STOML3: variants seen among roughly 807,000 people sequenced by gnomAD.
The protein encoded by STOML3 is stomatin-like protein 3.
A neutral mutation model predicts 29.5 loss-of-function variants in STOML3; 31 were observed. The observed-to-expected ratio is 1.05, with a 90% CI of 0.79 to 1.42. STOML3 has a LOEUF of 1.42. STOML3 is among the 40% of genes most tolerant of loss of function. The pLI, the probability that STOML3 is intolerant of heterozygous loss-of-function variation, is 0.00. For missense variants in STOML3, 380 were observed against 363.0 expected (o/e 1.05, Z -0.38); for synonymous variants, 122 against 139.8 (o/e 0.87, Z 0.90).
chr13:38,980,104 A>T (rs1159274913), intron 1 of STOML3: 1 of 1,551,710 alleles, frequency 6.4e-7, no homozygotes, highest in Admixed American at 2.0e-5. Flanking sequence ...ACACGTGCAC[A>T]TGAGGCTCAG....
At chr13:38,978,495 TCTC>T (rs1475807348) in intron 1 of STOML3, among the ~76,000 whole-genome samples, 1 of 151,992 alleles carries the variant, frequency 6.6e-6, no homozygotes, top group Non-Finnish European at 1.5e-5. Flanking sequence ...CTTATTCCCT[TCTC>T]CTTGACAACC....
At chr13:38,986,474 C>G (rs1394515935) in intron 1 of STOML3, among the ~76,000 whole-genome samples, 1 of 152,046 alleles carries the variant, frequency 6.6e-6, no homozygotes, top group Non-Finnish European at 1.5e-5. Context: ...GAGAACAATC[C>G]CCTTTCCTGA....
intron 1 of STOML3, among the ~76,000 whole-genome samples, chr13:38,988,201 T>A (rs1343871761): frequency 1.5e-5 from 1 of 68,340 alleles, no homozygotes; most frequent in Non-Finnish European, 2.2e-5. Flanking sequence ...ATATTATATT[T>A]CATATAAAAT....
Position 38,977,750 on chromosome 13 carries a change from A to ATTTTTTTTTTTTTTTTTTTTTTTTTTT in STOML3, c.53-980_53-954dup, listed in dbSNP as rs397851686. On this transcript the variant is annotated intron_variant, in intron 1 of 6. Transcript: ENST00000379631. ...ATTATATAATTTCTGAAGTCTCCGG[A>ATTTTTTTTTTTTTTTTTTTTTTTTTTT]TTTTTTTTTTTTTTTTTTTTTTTTT... Among the ~76,000 whole-genome samples the ATTTTTTTTTTTTTTTTTTTTTTTTTTT allele has an allele frequency of 6.4e-4, 54 of 84,232 alleles. 3 individuals are homozygous for ATTTTTTTTTTTTTTTTTTTTTTTTTTT. The highest frequency in any genetic ancestry group is 1.5e-3 in the Admixed American group (8 of 5,470). The allele number at this position is 84,232 out of a possible 152,430, so 55.3% of individuals were successfully genotyped here.
intron 3 of STOML3, among the ~76,000 whole-genome samples, chr13:38,973,298 G>T (rs1167723921): frequency 6.6e-6 from 1 of 151,548 alleles, no homozygotes; most frequent in Non-Finnish European, 1.5e-5. Context: ...AAAAATTAAG[G>T]TGTTCTTGTT....
At chr13:38,987,721 T>A (rs1483040250) in intron 1 of STOML3, among the ~76,000 whole-genome samples, 3 of 130,584 alleles carry the variant, frequency 2.3e-5, no homozygotes, top group African/African-American at 8.7e-5. Flanking sequence ...ATATATTAAT[T>A]CATATAACTA....
Position 38,966,616 on chromosome 13 carries a change from T to C in STOML3, c.*209A>G, listed in dbSNP as rs1593494766. The C allele has an allele frequency of 1.9e-5, 8 of 411,710 alleles. No individual in the cohort carries two copies. The East Asian group carries it at 2.9e-4, about 15-fold the overall frequency. The allele number at this position is 411,710 out of a possible 1,614,324, so 25.5% of individuals were successfully genotyped here. A position where few individuals can be genotyped will look rare whatever the true frequency, so the allele number is the denominator to read the frequency against. On this transcript the variant is annotated 3_prime_UTR_variant, in exon 7 of 7. Transcript: ENST00000379631. ...AAGAATATTACAAAGTTGATTATGG[T>C]CCTAAAAATAAAAGTAATATACAGG...
intron 5 of STOML3, 131 bp downstream of exon 5, chr13:38,970,054 A>C (rs753627303): frequency 5.6e-6 from 4 of 713,926 alleles, no homozygotes; most frequent in Middle Eastern, 4.1e-4. Context: ...CCTCTAGAGC[A>C]GTTGTCTGTG....
At position 38,966,761 on chromosome 13, in the gene STOML3, T is replaced by A; in HGVS notation, c.*64A>T. ...TGTTGGAATTCTCACCGTTTCTAAC[T>A]ACTGGCTTCTCCATAGGAATAGACA... On this transcript the variant is annotated 3_prime_UTR_variant, in exon 7 of 7. Transcript: ENST00000379631. The A allele has an allele frequency of 1.5e-6, 2 of 1,349,126 alleles. No individual in the cohort carries two copies. The highest frequency in any genetic ancestry group is 2.1e-6 in the Non-Finnish European group (2 of 951,412). The allele number at this position is 1,349,126 out of a possible 1,614,324, so 83.6% of individuals were successfully genotyped here.
chr13:38,985,901 T>TTC (rs1566209945), intron 1 of STOML3, among the ~76,000 whole-genome samples: 1 of 112,910 alleles, frequency 8.9e-6, no homozygotes, highest in East Asian at 2.5e-4. Flanking sequence ...TTTTTTTTTT[T>TTC]CTTTTCTTTC....
At chr13:38,977,670 A>G (rs1045950791) in intron 1 of STOML3, among the ~76,000 whole-genome samples, 1 of 151,776 alleles carries the variant, frequency 6.6e-6, no homozygotes, top group African/African-American at 2.4e-5. Flanking sequence ...ATAAGATGAG[A>G]CTGAGTTAAA....
chr13:38,984,825 C>T lies in STOML3; in HGVS notation c.52+5845G>A, dbSNP rs191229875. On this transcript the variant is annotated intron_variant, in intron 1 of 6. Coordinates refer to ENST00000379631, the MANE Select transcript of STOML3 (RefSeq NM_145286.3). ...TGTAATTTGTAGCTAACTTTTGTGT[C>T]TTCCCTGTAAATTTTTAGTGCTCTG... 1.3e-4 allele frequency among the ~76,000 whole-genome samples: 20 copies of T among 152,236 alleles called. No homozygotes were observed. The East Asian group carries it at 3.3e-3, about 25-fold the overall frequency.
intron 1 of STOML3, among the ~76,000 whole-genome samples, chr13:38,981,813 T>C (rs1194565472): frequency 6.6e-6 from 1 of 152,172 alleles, no homozygotes; most frequent in Admixed American, 6.5e-5. Flanking sequence ...ATATGTGCTG[T>C]TGGAAGTTAA....
intron 1 of STOML3, among the ~76,000 whole-genome samples, chr13:38,977,382 G>A (rs1179501472): frequency 1.3e-5 from 2 of 152,202 alleles, no homozygotes; most frequent in Non-Finnish European, 1.5e-5. Context: ...GGGGCTAGAA[G>A]TTACCCGCCT....
At chr13:38,973,115 A>C (rs1364478779) in intron 3 of STOML3, among the ~76,000 whole-genome samples, 7 of 149,114 alleles carry the variant, frequency 4.7e-5, no homozygotes, top group African/African-American at 1.5e-4. Context: ...AAAAAAAAAA[A>C]AAAAAAAAAA....
At chr13:38,968,687 AAG>A (rs1181552677) in intron 5 of STOML3, among the ~76,000 whole-genome samples, 153 bp from the exon 6 acceptor site, 12 of 152,122 alleles carry the variant, frequency 7.9e-5, no homozygotes, top group African/African-American at 2.9e-4. Context: ...GGAAGAGAAT[AAG>A]AGTTAATATT....
chr13:38,984,118 G>A (rs1002715698), intron 1 of STOML3, among the ~76,000 whole-genome samples: 1 of 151,946 alleles, frequency 6.6e-6, no homozygotes, highest in African/African-American at 2.4e-5. Context: ...CTTCACACAC[G>A]GGCTCTTCCT....
intron 2 of STOML3, 36 bp from the exon 3 acceptor site, chr13:38,976,648 T>C: frequency 6.2e-7 from 1 of 1,614,052 alleles, no homozygotes; most frequent in Non-Finnish European, 8.5e-7. Flanking sequence ...GTCCTAATGG[T>C]TTGTCAGTTC....
chr13:38,970,668 T>C (rs1339668495), intron 4 of STOML3, among the ~76,000 whole-genome samples: 1 of 152,236 alleles, frequency 6.6e-6, no homozygotes, highest in Non-Finnish European at 1.5e-5. Context: ...GAACAGGCCC[T>C]TCCATTTTAA....
Sources: gnomAD v4.1 joint callset for allele counts (sites outside exome capture counted in the v4.1 genomes callset) on GRCh38, gnomAD v4.1.1 for gene constraint, MANE v1.5 for transcripts, NCBI Gene and HGNC (gene_info 2026-07-23, HGNC 2026-07-21) for gene names.